FAM89A: variants seen among roughly 807,000 people sequenced by gnomAD.
FAM89A encodes the protein protein FAM89A.
A neutral mutation model predicts 7.1 loss-of-function variants in FAM89A; 10 were observed. The observed-to-expected ratio is 1.40, with a 90% CI of 0.86 to 2.38. FAM89A has a LOEUF of 2.38. Among genes scored for constraint, FAM89A ranks in the 30% most tolerant of loss-of-function variants. The probability of loss-of-function intolerance (pLI) is 0.00; values close to 1 mark genes in which losing one functional copy is unlikely to be tolerated. For synonymous variants in FAM89A, 157 were observed against 129.3 expected (o/e 1.21, Z -1.45); for missense variants, 276 against 262.8 (o/e 1.05, Z -0.35).
At chr1:231,034,511 G>T (rs1387116714) in intron 1 of FAM89A, among the ~76,000 whole-genome samples, 1 of 152,126 alleles carries the variant, frequency 6.6e-6, no homozygotes, top group African/African-American at 2.4e-5. Context: ...AGTGGCTCAC[G>T]CCTGTAATCC....
chr1:231,029,790 T>C (rs965718138), intron 1 of FAM89A, among the ~76,000 whole-genome samples: 1 of 152,190 alleles, frequency 6.6e-6, no homozygotes, highest in African/African-American at 2.4e-5. Context: ...ACACAATGAA[T>C]GAGTAAGTAT....
At chr1:231,026,241 A>G (rs1446711413) in intron 1 of FAM89A, among the ~76,000 whole-genome samples, 1 of 152,114 alleles carries the variant, frequency 6.6e-6, no homozygotes, top group Non-Finnish European at 1.5e-5. Context: ...TCCTCTCCCA[A>G]TCCAGCACTG....
At chr1:231,023,299 G>A (rs1313584072) in intron 1 of FAM89A, among the ~76,000 whole-genome samples, 1 of 152,216 alleles carries the variant, frequency 6.6e-6, no homozygotes, top group African/African-American at 2.4e-5. Flanking sequence ...TGGTGAAACA[G>A]GGGCCCAGAG....
At chr1:231,028,757 C>T (rs111688264) in intron 1 of FAM89A, 5,077 of 152,388 alleles carry the variant, frequency 0.033, 108 homozygotes, top group Middle Eastern at 0.092. Context: ...GCAGGTCCTT[C>T]CGCTCTCTGC....
intron 1 of FAM89A, among the ~76,000 whole-genome samples, chr1:231,034,771 TCAA>T (rs1680132453): frequency 5.7e-5 from 5 of 87,890 alleles, no homozygotes; most frequent in Admixed American, 1.2e-4. Flanking sequence ...AAACTCTGTC[TCAA>T]AAAAAAAAAA....
chr1:231,034,089 C>CA (rs1680118525), intron 1 of FAM89A, among the ~76,000 whole-genome samples: 1 of 152,146 alleles, frequency 6.6e-6, no homozygotes, highest in African/African-American at 2.4e-5. Flanking sequence ...GAACTGAGCT[C>CA]AAGAATAGCA....
intron 1 of FAM89A, among the ~76,000 whole-genome samples, chr1:231,038,799 C>G (rs767121293): frequency 2.6e-5 from 4 of 152,054 alleles, no homozygotes; most frequent in African/African-American, 4.8e-5. Flanking sequence ...AGTATGCATA[C>G]CCTGAATTTT....
chr1:231,039,990 G>A lies in FAM89A; in HGVS notation c.222C>T (p.Ala74=). Residue 74 remains alanine, a synonymous_variant, in exon 1 of 2, where the codon GCC becomes GCT. Coordinates refer to ENST00000366654, the MANE Select transcript of FAM89A (RefSeq NM_198552.3). The stretch of plus-strand genomic sequence containing the variant: ...GCTTGGCGGGCAGCGCTGCCGCCCG[G>A]GCCCCGCCGCCGCCCGGGCCCCCGC... The part of the protein sequence containing the change: ...LSRGGPGGGG[A]RAAALPAKPP... 6 of 1,383,836 alleles carry A rather than the reference G, an allele frequency of 4.3e-6. No homozygotes were observed. The South Asian group carries it at 8.2e-5, about 19-fold the overall frequency. 85.7% of individuals were successfully genotyped at this position (1,383,836 alleles called of 1,614,324 possible).
At position 231,040,167 on chromosome 1, in the gene FAM89A, C is replaced by G; in HGVS notation, c.45G>C (p.Ala15=). The part of the protein sequence containing the change: ...RAAPGAAGNG[A]VRGLRVDGLP... The stretch of plus-strand genomic sequence containing the variant: ...GCCCGTCCACCCGCAGCCCCCGGAC[C>G]GCGCCGTTGCCCGCGGCCCCGGGCG... The change falls in exon 1 of 2, where the codon GCG becomes GCC. Residue 15 remains alanine, a synonymous_variant. Coordinates refer to ENST00000366654, the MANE Select transcript of FAM89A (RefSeq NM_198552.3). The G allele has an allele frequency of 3.4e-6, 4 of 1,187,378 alleles. No individual in the cohort carries two copies. Among genetic ancestry groups the G allele is most frequent in the Non-Finnish European group, 4.2e-6 (4 of 960,826 alleles). The allele number at this position is 1,187,378 out of a possible 1,614,324, so 73.6% of individuals were successfully genotyped here.
intron 1 of FAM89A, among the ~76,000 whole-genome samples, chr1:231,024,472 G>A (rs1377119041): frequency 1.3e-5 from 2 of 149,460 alleles, no homozygotes; most frequent in Non-Finnish European, 3.0e-5. Flanking sequence ...TCTCTACTAT[G>A]GCCTGAATAG....
intron 1 of FAM89A, among the ~76,000 whole-genome samples, chr1:231,030,033 T>A (rs914872623): frequency 3.9e-5 from 6 of 152,228 alleles, no homozygotes; most frequent in Non-Finnish European, 8.8e-5. Context: ...AGACGGGCTA[T>A]GAGCCCAGCT....
At position 231,020,051 on chromosome 1, in the gene FAM89A, C is replaced by G. The variant is rs1325335332; in HGVS notation, c.367G>C (p.Gly123Arg). The part of the protein sequence containing the change: ...SLYESIQEYK[G>R]ACQAASSPDC... The stretch of plus-strand genomic sequence containing the variant: ...GGGCTGGAGGCTGCCTGGCATGCCC[C>G]CTTGTACTCCTGAATCGACTCGTAG... Residue 123 changes from glycine (G) to arginine (R), a missense_variant, in exon 2 of 2, where the codon GGG (glycine) becomes CGG (arginine). Gly to Arg is a moderately radical substitution (Grantham distance 125). Transcript: ENST00000366654. 1 of 1,613,970 alleles carries G rather than the reference C, an allele frequency of 6.2e-7. No individual in the cohort carries two copies. Among genetic ancestry groups the G allele is most frequent in the South Asian group, 1.1e-5 (1 of 91,088 alleles).
rs1679988337 is a variant in FAM89A at position 231,027,103 on chromosome 1, G to T, written c.292-6977C>A. Reference sequence around the variant, plus strand: ...TTTGAGGTCGGCCCAGGTAAACACAGGAGCCTGAACGCTTCTAGGTTTCAA... The same window carrying T: ...TTTGAGGTCGGCCCAGGTAAACACATGAGCCTGAACGCTTCTAGGTTTCAA... On this transcript the variant is annotated intron_variant, in intron 1 of 1. Transcript: ENST00000366654. Among the ~76,000 whole-genome samples, 2 of 152,146 alleles carry T rather than the reference G, an allele frequency of 1.3e-5. 1 individual carries two copies. The highest frequency in any genetic ancestry group is 2.9e-5 in the Non-Finnish European group (2 of 68,024).
At chr1:231,020,635 C>T (rs1445068432) in intron 1 of FAM89A, among the ~76,000 whole-genome samples, 1 of 152,170 alleles carries the variant, frequency 6.6e-6, no homozygotes. Flanking sequence ...CTGGAGCACC[C>T]ACCTCTGTGC....
intron 1 of FAM89A, chr1:231,028,354 C>T (rs1490808725): frequency 1.3e-5 from 2 of 152,252 alleles, no homozygotes; most frequent in Non-Finnish European, 2.9e-5. Flanking sequence ...AGTCTCTCTA[C>T]ACTGAAGGTA....
chr1:231,019,937 G>T lies in FAM89A; in HGVS notation c.481C>A (p.Arg161=). Residue 161 remains arginine, a synonymous_variant, in exon 2 of 2, where the codon CGA becomes AGA. Transcript: ENST00000366654. ...AGTGACAAGTCCCGAGGAGGGCCTC[G>T]GTCCCTCCTGTCGTGCAGGGAGTTC... ...EQNSLHDRRD[R]GPPRDLSLPV... is the part of the protein sequence containing the mutation. 1 of 1,614,068 alleles carries T rather than the reference G, an allele frequency of 6.2e-7. No individual in the cohort carries two copies.
intron 1 of FAM89A, among the ~76,000 whole-genome samples, chr1:231,036,837 A>G (rs1201029101): frequency 2.0e-5 from 3 of 152,202 alleles, no homozygotes; most frequent in African/African-American, 7.2e-5. Flanking sequence ...TGATGCGATG[A>G]CAAATTACCT....
chr1:231,021,520 C>T, intron 1 of FAM89A: 2 of 715,274 alleles, frequency 2.8e-6, no homozygotes, highest in Non-Finnish European at 2.4e-6. Context: ...AACCAGAGGG[C>T]ACGAAAGGTT....
chr1:231,039,966 C>T lies in FAM89A; in HGVS notation c.246G>A (p.Lys82=). ...GGARAAALPA[K]PPNLDAALAL... ...CCAGAGCGGCGTCCAGGTTGGGAGG[C>T]TTGGCGGGCAGCGCTGCCGCCCGGG... Residue 82 remains lysine, a synonymous_variant, in exon 1 of 2, where the codon AAG becomes AAA. Transcript: ENST00000366654. The T allele has an allele frequency of 1.5e-6, 2 of 1,372,994 alleles. No individual in the cohort carries two copies. The highest frequency in any genetic ancestry group is 3.7e-5 in the Admixed American group (1 of 26,856). 85.1% of individuals were successfully genotyped at this position (1,372,994 alleles called of 1,614,324 possible). A position where few individuals can be genotyped will look rare whatever the true frequency, so the allele number is the denominator to read the frequency against.
Sources: gnomAD v4.1 joint callset for allele counts (sites outside exome capture counted in the v4.1 genomes callset) on GRCh38, gnomAD v4.1.1 for gene constraint, MANE v1.5 for transcripts, NCBI Gene and HGNC (gene_info 2026-07-23, HGNC 2026-07-21) for gene names.